Variants in GPC6 observed in about 807,000 individuals in gnomAD.
The protein encoded by GPC6 is glypican 6, also known as glypican-6.
GPC6 carries 14 observed loss-of-function variants against 55.2 expected under a neutral mutation model. That is an observed-to-expected ratio of 0.25 (90% CI 0.17 to 0.40). The LOEUF is 0.40. Among genes scored for constraint, GPC6 ranks in the 10% least tolerant of loss-of-function variants. GPC6 has a pLI of 1.00. For missense variants in GPC6, 641 were observed against 708.5 expected (o/e 0.90, Z 1.08); for synonymous variants, 278 against 259.6 (o/e 1.07, Z -0.68).
At chr13:93,329,674 G>GT (rs1344720667) in intron 1 of GPC6, among the ~76,000 whole-genome samples, 2 of 152,090 alleles carry the variant, frequency 1.3e-5, no homozygotes, top group Non-Finnish European at 2.9e-5. Flanking sequence ...TGCTGTTGAT[G>GT]TTTTTTGAGG....
At chr13:94,321,963 CTTTA>C (rs982378865) in intron 6 of GPC6, among the ~76,000 whole-genome samples, 13 of 152,178 alleles carry the variant, frequency 8.5e-5, no homozygotes, top group Admixed American at 5.2e-4. Flanking sequence ...CAGGTACATC[CTTTA>C]TTTTTTCTCC....
chr13:94,144,848 A>C (rs917003902), intron 4 of GPC6, among the ~76,000 whole-genome samples: 4 of 152,138 alleles, frequency 2.6e-5, no homozygotes, highest in Admixed American at 2.0e-4. Context: ...GCAGAGCATT[A>C]GAATACCTGC....
chr13:93,650,624 G>C lies in GPC6; in HGVS notation c.319+105203G>C, dbSNP rs554945544. ...AGCAAAATCCTGACCATAATAGGTA[G>C]TAGCAGAAGTCTTTGATCAAGGCCA... On this transcript the variant is annotated intron_variant, in intron 2 of 8. Transcript: ENST00000377047. Among the ~76,000 whole-genome samples, 27 of 152,292 alleles carry C rather than the reference G, an allele frequency of 1.8e-4. 1 individual carries two copies. In the South Asian group the frequency reaches 5.4e-3, roughly 30 times the overall value.
chr13:93,519,720 T>C (rs1881335907), intron 1 of GPC6, among the ~76,000 whole-genome samples: 1 of 151,980 alleles, frequency 6.6e-6, no homozygotes, highest in South Asian at 2.1e-4. Context: ...AACCATTCAA[T>C]AGAGCCTAAA....
chr13:93,317,300 T>C (rs1197298223), intron 1 of GPC6, among the ~76,000 whole-genome samples: 1 of 152,136 alleles, frequency 6.6e-6, no homozygotes, highest in Non-Finnish European at 1.5e-5. Flanking sequence ...GATAAACTTA[T>C]CAGACACCTC....
At chr13:93,356,001 A>C (rs1880837424) in intron 1 of GPC6, among the ~76,000 whole-genome samples, 1 of 152,136 alleles carries the variant, frequency 6.6e-6, no homozygotes, top group Admixed American at 6.6e-5. Context: ...TCTTAGCTCG[A>C]AATAGAGACG....
At chr13:94,000,891 A>G (rs189962915) in intron 3 of GPC6, among the ~76,000 whole-genome samples, 1 of 152,254 alleles carries the variant, frequency 6.6e-6, no homozygotes, top group East Asian at 1.9e-4. Context: ...TCTCAGCAGA[A>G]GGGGACTTAC....
intron 4 of GPC6, among the ~76,000 whole-genome samples, chr13:94,126,585 A>G (rs1886823488): frequency 6.6e-6 from 1 of 152,158 alleles, no homozygotes; most frequent in South Asian, 2.1e-4. Flanking sequence ...TTATCAAATT[A>G]TTTCCATGCA....
At chr13:93,558,615 A>G (rs1007524988) in intron 2 of GPC6, among the ~76,000 whole-genome samples, 1 of 152,186 alleles carries the variant, frequency 6.6e-6, no homozygotes, top group Admixed American at 6.6e-5. Flanking sequence ...TGTATCCATT[A>G]TTAAGGTCCT....
chr13:93,385,442 G>T (rs1363144571), intron 1 of GPC6, among the ~76,000 whole-genome samples: 1 of 152,228 alleles, frequency 6.6e-6, no homozygotes, highest in Non-Finnish European at 1.5e-5. Context: ...GCTTTGAAAA[G>T]TTCATTCTAA....
At chr13:93,467,460 A>G (rs577640054) in intron 1 of GPC6, among the ~76,000 whole-genome samples, 14 of 151,996 alleles carry the variant, frequency 9.2e-5, no homozygotes, top group Non-Finnish European at 1.8e-4. Context: ...AACCAGGATG[A>G]CTGTCATACC....
chr13:93,876,581 C>T (rs1728230188), intron 3 of GPC6, among the ~76,000 whole-genome samples: 1 of 152,028 alleles, frequency 6.6e-6, no homozygotes, highest in African/African-American at 2.4e-5. Context: ...TCTTACCTAT[C>T]TAAAAATTTC....
At chr13:94,306,933 A>C (rs1052434624) in intron 6 of GPC6, among the ~76,000 whole-genome samples, 2 of 152,212 alleles carry the variant, frequency 1.3e-5, no homozygotes, top group African/African-American at 2.4e-5. Context: ...TAACAGATAA[A>C]ATCCTTAATG....
intron 1 of GPC6, among the ~76,000 whole-genome samples, chr13:93,437,608 A>G (rs1877621674): frequency 6.6e-6 from 1 of 152,194 alleles, no homozygotes; most frequent in Non-Finnish European, 1.5e-5. Context: ...CAATTCTATG[A>G]AGACTAAAAA....
intron 1 of GPC6, among the ~76,000 whole-genome samples, chr13:93,289,430 ACAAT>A (rs1878246069): frequency 6.6e-6 from 1 of 152,208 alleles, no homozygotes; most frequent in African/African-American, 2.4e-5. Context: ...ACACTGAAAG[ACAAT>A]CAAAAAGTGA....
chr13:93,982,624 A>T (rs900031745), intron 3 of GPC6, among the ~76,000 whole-genome samples: 2 of 152,172 alleles, frequency 1.3e-5, no homozygotes, highest in African/African-American at 4.8e-5. Flanking sequence ...ATATCCACCA[A>T]CTTACTAAGG....
At chr13:94,375,144 T>G (rs2139198237) in intron 6 of GPC6, among the ~76,000 whole-genome samples, 1 of 149,874 alleles carries the variant, frequency 6.7e-6, no homozygotes, top group East Asian at 2.0e-4. Flanking sequence ...ACATCACAAT[T>G]AAAAGAACTA....
chr13:93,864,319 C>T (rs934707379), intron 3 of GPC6, among the ~76,000 whole-genome samples: 3 of 151,736 alleles, frequency 2.0e-5, no homozygotes, highest in African/African-American at 7.3e-5. Context: ...CAGACAAACC[C>T]AGTGCTGCTG....
chr13:94,356,752 T>C (rs79389848), intron 6 of GPC6, among the ~76,000 whole-genome samples: 6,427 of 151,972 alleles, frequency 0.042, 211 homozygotes, highest in Non-Finnish European at 0.068. Flanking sequence ...AAATGAAAAA[T>C]GTAGCTGGGC....
Sources: gnomAD v4.1 joint callset for allele counts (sites outside exome capture counted in the v4.1 genomes callset) on GRCh38, gnomAD v4.1.1 for gene constraint, MANE v1.5 for transcripts, NCBI Gene and HGNC (gene_info 2026-07-23, HGNC 2026-07-21) for gene names.